The following FBXL17 variants were observed in gnomAD, a reference collection of about 807,000 sequenced individuals.
FBXL17 encodes the protein F-box and leucine rich repeat protein 17, also known as F-box/LRR-repeat protein 17.
In FBXL17, 22 loss-of-function variants were observed where a neutral mutation model predicts 66.2. The observed-to-expected ratio is 0.33, with a 90% CI of 0.24 to 0.47. The LOEUF is 0.47. Among genes scored for constraint, FBXL17 ranks in the 20% least tolerant of loss-of-function variants. The probability of loss-of-function intolerance (pLI) is 1.00; values close to 1 mark genes in which losing one functional copy is unlikely to be tolerated. For missense variants in FBXL17, 878 were observed against 948.2 expected, an observed-to-expected ratio of 0.93 and a Z score of 0.97; for synonymous variants, 474 against 400.5, an observed-to-expected ratio of 1.18 and a Z score of -2.19.
intron 7 of FBXL17, among the ~76,000 whole-genome samples, chr5:107,902,587 T>C (rs1378773230): frequency 1.3e-5 from 2 of 152,114 alleles, no homozygotes; most frequent in South Asian, 4.1e-4. Flanking sequence ...GGATTATCCC[T>C]CAGACTTAAG....
chr5:107,998,281 C>T (rs1399593756), intron 7 of FBXL17, among the ~76,000 whole-genome samples: 2 of 152,124 alleles, frequency 1.3e-5, no homozygotes, highest in Non-Finnish European at 2.9e-5. Context: ...TTGTGGCTTC[C>T]ATTAAATTTC....
intron 6 of FBXL17, among the ~76,000 whole-genome samples, chr5:108,047,406 G>A (rs906767369): frequency 3.9e-5 from 6 of 152,182 alleles, no homozygotes; most frequent in Non-Finnish European, 4.4e-5. Context: ...GCTAGAATCC[G>A]CTTAAGCCTG....
intron 6 of FBXL17, among the ~76,000 whole-genome samples, chr5:108,052,255 G>A (rs765272892): frequency 9.2e-5 from 14 of 152,106 alleles, no homozygotes; most frequent in East Asian, 1.9e-4. Context: ...TAGGAAAAGC[G>A]GAAGATAAAT....
At chr5:108,131,413 T>C (rs1368192375) in intron 6 of FBXL17, among the ~76,000 whole-genome samples, 1 of 152,164 alleles carries the variant, frequency 6.6e-6, no homozygotes, top group Non-Finnish European at 1.5e-5. Context: ...ATAGGATGAC[T>C]ATAAACGATT....
chr5:107,876,154 G>C (rs983630647), intron 8 of FBXL17, among the ~76,000 whole-genome samples: 2 of 152,012 alleles, frequency 1.3e-5, no homozygotes, highest in Non-Finnish European at 2.9e-5. Flanking sequence ...CATCTGCTCC[G>C]GGCCATGGCA....
chr5:108,340,009 G>A (rs1746771596), intron 4 of FBXL17, among the ~76,000 whole-genome samples: 1 of 151,864 alleles, frequency 6.6e-6, no homozygotes, highest in African/African-American at 2.4e-5. Context: ...GACACTGCCT[G>A]TCTTCCATAC....
intron 6 of FBXL17, among the ~76,000 whole-genome samples, chr5:108,178,855 G>A (rs1752894041): frequency 2.0e-5 from 3 of 152,078 alleles, no homozygotes; most frequent in Admixed American, 1.3e-4. Flanking sequence ...ATACTCCAAG[G>A]TGAAAAGTAT....
At chr5:108,211,938 A>T (rs1254984847) in intron 5 of FBXL17, among the ~76,000 whole-genome samples, 1 of 151,948 alleles carries the variant, frequency 6.6e-6, no homozygotes, top group Non-Finnish European at 1.5e-5. Context: ...ACTTGGTTTC[A>T]TTCTCCCCAT....
chr5:108,306,706 CAGGGGAT>C (rs1758857482), intron 4 of FBXL17, among the ~76,000 whole-genome samples: 1 of 151,946 alleles, frequency 6.6e-6, no homozygotes, highest in Admixed American at 6.6e-5. Flanking sequence ...GTATAAAAGA[CAGGGGAT>C]AGCATTTTTC....
intron 7 of FBXL17, among the ~76,000 whole-genome samples, chr5:107,890,791 TA>T (rs1219631116): frequency 6.6e-6 from 1 of 152,146 alleles, no homozygotes; most frequent in Non-Finnish European, 1.5e-5. Flanking sequence ...ATAAACATTG[TA>T]AAAGTATTTT....
At chr5:107,933,995 G>C (rs961370979) in intron 7 of FBXL17, among the ~76,000 whole-genome samples, 1 of 152,070 alleles carries the variant, frequency 6.6e-6, no homozygotes, top group Non-Finnish European at 1.5e-5. Flanking sequence ...CATTATTACT[G>C]TACTGCCATA....
intron 4 of FBXL17, chr5:108,298,322 C>T (rs1361076826): frequency 3.0e-6 from 3 of 984,186 alleles, no homozygotes; most frequent in Non-Finnish European, 3.6e-6. Flanking sequence ...AAACAGAAAG[C>T]ACTGAGAAAA....
intron 7 of FBXL17, among the ~76,000 whole-genome samples, chr5:108,000,105 A>G (rs1163756204): frequency 6.6e-6 from 1 of 152,166 alleles, no homozygotes; most frequent in Non-Finnish European, 1.5e-5. Context: ...TTATCTGTAA[A>G]ATGGGATAAT....
intron 5 of FBXL17, among the ~76,000 whole-genome samples, chr5:108,208,320 A>G (rs1754216620): frequency 6.6e-6 from 1 of 152,140 alleles, no homozygotes; most frequent in Admixed American, 6.5e-5. Context: ...GTTTAATTAA[A>G]TCCCATTTGT....
chr5:107,878,627 T>G (rs1748687248), intron 8 of FBXL17: 3 of 985,400 alleles, frequency 3.0e-6, no homozygotes, highest in South Asian at 9.4e-5. Flanking sequence ...TTCCTTTGAA[T>G]CTTGATGGTA....
intron 6 of FBXL17, among the ~76,000 whole-genome samples, chr5:108,060,478 G>T (rs1288404990): frequency 6.6e-6 from 1 of 151,998 alleles, no homozygotes; most frequent in East Asian, 1.9e-4. Context: ...TTTACACCAG[G>T]CAAAAAGTGT....
chr5:108,303,425 C>T (rs1332825981), intron 4 of FBXL17, among the ~76,000 whole-genome samples: 1 of 151,016 alleles, frequency 6.6e-6, no homozygotes, highest in African/African-American at 2.4e-5. Flanking sequence ...ACTACTTATT[C>T]CCCTTTTTCA....
intron 5 of FBXL17, among the ~76,000 whole-genome samples, chr5:108,199,575 T>C (rs1295037071): frequency 1.3e-5 from 2 of 152,178 alleles, no homozygotes; most frequent in African/African-American, 4.8e-5. Context: ...CGTTTCTAGC[T>C]ACAGCTTTTC....
At chr5:108,360,353 T>G (rs1315107683) in intron 3 of FBXL17, among the ~76,000 whole-genome samples, 1 of 152,100 alleles carries the variant, frequency 6.6e-6, no homozygotes, top group Non-Finnish European at 1.5e-5. Context: ...TTAACAGTTT[T>G]GACAAATACA....
Sources: gnomAD v4.1 joint callset for allele counts (sites outside exome capture counted in the v4.1 genomes callset) on GRCh38, gnomAD v4.1.1 for gene constraint, MANE v1.5 for transcripts, NCBI Gene and HGNC (gene_info 2026-07-23, HGNC 2026-07-21) for gene names.